GTF3C3: variants seen among roughly 807,000 people sequenced by gnomAD.
The protein encoded by GTF3C3 is general transcription factor IIIC subunit 3, also known as general transcription factor 3C polypeptide 3.
Under a neutral mutation model 105.2 loss-of-function variants are expected in GTF3C3, and 75 were observed. That is an observed-to-expected ratio of 0.71 (90% CI 0.59 to 0.86). The LOEUF (loss-of-function observed/expected upper bound fraction) is 0.86, where lower values mean the gene tolerates loss of function less well. Among genes scored for constraint, GTF3C3 ranks in the 40% least tolerant of loss-of-function variants. GTF3C3 has a pLI of 0.00. For synonymous variants in GTF3C3, 335 were observed against 370.4 expected, an observed-to-expected ratio of 0.90 and a Z score of 1.10; for missense variants, 856 against 1,076.5, an observed-to-expected ratio of 0.80 and a Z score of 2.87.
intron 4 of GTF3C3, 26 bp downstream of exon 4, chr2:196,791,311 A>G (rs770601367): frequency 6.2e-7 from 1 of 1,612,320 alleles, no homozygotes; most frequent in Non-Finnish European, 8.5e-7. Flanking sequence ...AACTGCTATT[A>G]TTAACAAAGT....
In GTF3C3 at chr2:196,764,597, G is replaced by A; in HGVS notation, c.2627C>T (p.Ala876Val). Residue 876 changes from alanine (A) to valine (V), a missense_variant, in exon 18 of 18, where the codon GCT (alanine) becomes GTT (valine). Ala to Val is a moderately conservative substitution (Grantham distance 64, BLOSUM62 0). Coordinates refer to ENST00000263956, the MANE Select transcript of GTF3C3 (RefSeq NM_012086.5). ...ACAATAGGTATACAAAAGCGTTTGA[G>A]CCATTCCGGTATTCCCACTGCTCTG... The part of the protein sequence containing the change: ...IYQSSGNTGM[A>V]QTLLYTYCSI 1 of 1,613,848 alleles carries A rather than the reference G, an allele frequency of 6.2e-7. No homozygotes were observed. The highest frequency in any genetic ancestry group is 8.5e-7 in the Non-Finnish European group (1 of 1,179,800).
chr2:196,774,126 C>A (rs1416628414), intron 13 of GTF3C3, among the ~76,000 whole-genome samples: 1 of 152,168 alleles, frequency 6.6e-6, no homozygotes, highest in Non-Finnish European at 1.5e-5. Flanking sequence ...TGTAAAAAGC[C>A]TCCCTTTGAT....
At chr2:196,770,309 C>T (rs1445682360) in intron 15 of GTF3C3, among the ~76,000 whole-genome samples, 3 of 152,184 alleles carry the variant, frequency 2.0e-5, no homozygotes, top group Admixed American at 6.5e-5. Context: ...TAAAGTAATA[C>T]TTCCAAAATA....
intron 14 of GTF3C3, among the ~76,000 whole-genome samples, chr2:196,772,493 A>G (rs769092672): frequency 2.0e-5 from 3 of 152,184 alleles, no homozygotes; most frequent in Non-Finnish European, 2.9e-5. Flanking sequence ...GGTTGCGGTG[A>G]GCCGAGACTG....
intron 8 of GTF3C3, among the ~76,000 whole-genome samples, chr2:196,782,742 A>G (rs1428435097): frequency 1.3e-5 from 2 of 152,208 alleles, no homozygotes; most frequent in Non-Finnish European, 2.9e-5. Flanking sequence ...TACTCAAACT[A>G]GTCTGGGACC....
intron 9 of GTF3C3, among the ~76,000 whole-genome samples, chr2:196,779,639 G>A (rs1249282820): frequency 6.6e-6 from 1 of 152,132 alleles, no homozygotes; most frequent in East Asian, 1.9e-4. Flanking sequence ...CAGGGCTTCT[G>A]TGTTTGCTAA....
At chr2:196,791,225 C>T in intron 4 of GTF3C3, 112 bp downstream of exon 4, 1 of 918,658 alleles carries the variant, frequency 1.1e-6, no homozygotes, top group Non-Finnish European at 1.6e-6. Context: ...TTACCACAAT[C>T]ACCCTTAAGC....
Position 196,764,412 on chromosome 2 carries a change from T to G in GTF3C3, c.*151A>C. The G allele has an allele frequency of 1.4e-6, 1 of 693,062 alleles. No individual in the cohort carries two copies. Among genetic ancestry groups the G allele is most frequent in the Non-Finnish European group, 2.2e-6 (1 of 448,836 alleles). The allele number at this position is 693,062 out of a possible 1,614,324, so 42.9% of individuals were successfully genotyped here. A position where few individuals can be genotyped will look rare whatever the true frequency, so the allele number is the denominator to read the frequency against. ...ATAATTTTGCATATATACCACAAGATCATTATCACATATTAAAAATAAATA... is the reference window on the plus strand; with the variant it reads ...ATAATTTTGCATATATACCACAAGAGCATTATCACATATTAAAAATAAATA... On this transcript the variant is annotated 3_prime_UTR_variant, in exon 18 of 18. Coordinates refer to ENST00000263956, the MANE Select transcript of GTF3C3 (RefSeq NM_012086.5).
At chr2:196,795,411 A>C (rs1302259414) in intron 2 of GTF3C3, among the ~76,000 whole-genome samples, 1 of 152,250 alleles carries the variant, frequency 6.6e-6, no homozygotes, top group Admixed American at 6.5e-5. Flanking sequence ...TTAATGAAGA[A>C]TAGATTTTAA....
intron 16 of GTF3C3, 103 bp from the exon 17 acceptor site, chr2:196,766,820 C>T: frequency 1.2e-6 from 1 of 809,958 alleles, no homozygotes; most frequent in Middle Eastern, 3.0e-4. Context: ...TTTTTAAAAA[C>T]CTATCTATCT....
intron 10 of GTF3C3, chr2:196,777,519 TA>T (rs1461500007): frequency 6.6e-6 from 1 of 152,220 alleles, no homozygotes; most frequent in Non-Finnish European, 1.5e-5. Flanking sequence ...CTGTATCTCC[TA>T]AGTATTTTTA....
chr2:196,779,145 T>G, intron 9 of GTF3C3, 78 bp from the exon 10 acceptor site: 1 of 1,049,752 alleles, frequency 9.5e-7, no homozygotes, highest in Non-Finnish European at 1.4e-6. Context: ...TTTTTTTTTT[T>G]GAGATGAAGT....
chr2:196,781,428 C>T lies in GTF3C3; in HGVS notation c.1115-766G>A, dbSNP rs185937112. 2.6e-3 allele frequency among the ~76,000 whole-genome samples: 343 copies of T among 129,880 alleles called. 2 individuals carry two copies. Among genetic ancestry groups the T allele is most frequent in the African/African-American group, 9.2e-3 (325 of 35,378 alleles). 85.2% of individuals were successfully genotyped at this position (129,880 alleles called of 152,430 possible). ...AAACTTAAGAAGCAATACAGTTTAACAGCTATTTACATAGCATTTACATTG... is the reference window on the plus strand; with the variant it reads ...AAACTTAAGAAGCAATACAGTTTAATAGCTATTTACATAGCATTTACATTG... On this transcript the variant is annotated intron_variant, in intron 8 of 17. Coordinates refer to ENST00000263956, the MANE Select transcript of GTF3C3 (RefSeq NM_012086.5).
Position 196,770,858 on chromosome 2 carries a change from A to G in GTF3C3, c.2261-819T>C, listed in dbSNP as rs369224352. Among the ~76,000 whole-genome samples, 192 of 152,262 alleles carry G rather than the reference A, an allele frequency of 1.3e-3. 2 individuals are homozygous for G. The South Asian group carries it at 0.038, about 30-fold the overall frequency. On this transcript the variant is annotated intron_variant, in intron 15 of 17. Transcript: ENST00000263956. ...GAAAATAAAATATTTTTATTTTCTT[A>G]ATATAAAACAATTCCACAAAGCACA...
rs141924910 is a variant in GTF3C3 at position 196,776,608 on chromosome 2, T to G, written c.1412A>C (p.Tyr471Ser). The G allele has an allele frequency of 6.2e-7, 1 of 1,613,890 alleles. No homozygotes were observed. The highest frequency in any genetic ancestry group is 8.5e-7 in the Non-Finnish European group (1 of 1,179,760). Reference sequence around the variant, plus strand: ...ATAGCTTTCAGCAGCTCGCTCCATATAGCCTAAGGCCTTTAAACATTCTAA... The same window carrying G: ...ATAGCTTTCAGCAGCTCGCTCCATAGAGCCTAAGGCCTTTAAACATTCTAA... ...RHAECLKALG[Y>S]MERAAESYGK... The change falls in exon 11 of 18, where the codon TAT (tyrosine) becomes TCT (serine). Residue 471 changes from tyrosine to serine, a missense_variant. By Grantham distance (144) the Tyr-to-Ser change is moderately radical (BLOSUM62 -2). Transcript: ENST00000263956. The surrounding 1 kb of genome is among the most constrained non-coding windows in gnomAD (Gnocchi z 4.5).
chr2:196,790,380 T>C (rs1284629148), intron 4 of GTF3C3, among the ~76,000 whole-genome samples: 1 of 152,160 alleles, frequency 6.6e-6, no homozygotes, highest in African/African-American at 2.4e-5. Context: ...TGGCTCAATA[T>C]CAGCAAGTTC....
In GTF3C3 at chr2:196,765,614, A is replaced by C. The variant is rs568941450; in HGVS notation, c.2539-929T>G. Among the ~76,000 whole-genome samples, 38 of 150,228 alleles carry C rather than the reference A, an allele frequency of 2.5e-4. 1 individual carries two copies. Among genetic ancestry groups the C allele is most frequent in the South Asian group, 6.3e-4 (3 of 4,800 alleles). On this transcript the variant is annotated intron_variant, in intron 17 of 17. Coordinates refer to ENST00000263956, the MANE Select transcript of GTF3C3 (RefSeq NM_012086.5). Reference sequence around the variant, plus strand: ...ATGCATATATAAATAATATGTATGAAATACATATATAAATATGTATAAAAT... The same window carrying C: ...ATGCATATATAAATAATATGTATGACATACATATATAAATATGTATAAAAT...
intron 15 of GTF3C3, 52 bp from the exon 16 acceptor site, chr2:196,770,091 TTTC>T: frequency 7.0e-7 from 1 of 1,433,628 alleles, no homozygotes; most frequent in Non-Finnish European, 9.2e-7. Flanking sequence ...GAGTTATTTA[TTTC>T]TTCAACACTT....
chr2:196,794,454 G>T (rs1699603565), intron 2 of GTF3C3, among the ~76,000 whole-genome samples: 1 of 151,926 alleles, frequency 6.6e-6, no homozygotes, highest in African/African-American at 2.4e-5. Flanking sequence ...TGTATTTTTT[G>T]AGATGAAGTT....
Sources: gnomAD v4.1 joint callset for allele counts (sites outside exome capture counted in the v4.1 genomes callset) on GRCh38, gnomAD v4.1.1 for gene constraint, Gnocchi (gnomAD v3.1) non-coding constraint, MANE v1.5 for transcripts, NCBI Gene and HGNC (gene_info 2026-07-23, HGNC 2026-07-21) for gene names.